LRWD1: variants seen among roughly 807,000 people sequenced by gnomAD.
The protein encoded by LRWD1 is leucine-rich repeat and WD repeat-containing protein 1.
Under a neutral mutation model 75.6 loss-of-function variants are expected in LRWD1, and 76 were observed. The observed-to-expected ratio is 1.01, with a 90% CI of 0.84 to 1.22. The LOEUF (loss-of-function observed/expected upper bound fraction) is 1.22. LRWD1 is among the 50% of genes most tolerant of loss of function. The pLI is 0.00. For missense variants in LRWD1, 917 were observed against 862.0 expected, an observed-to-expected ratio of 1.06 and a Z score of -0.80; for synonymous variants, 487 against 377.0, an observed-to-expected ratio of 1.29 and a Z score of -3.38.
In LRWD1 at chr7:102,472,231, G is replaced by C; in HGVS notation, c.1456G>C (p.Glu486Gln). Residue 486 changes from glutamate to glutamine, a missense_variant, in exon 12 of 15, where the codon GAA (glutamate) becomes CAA (glutamine). By Grantham distance (29) the Glu-to-Gln change is conservative (BLOSUM62 2). Coordinates refer to ENST00000292616, the MANE Select transcript of LRWD1 (RefSeq NM_152892.3). ...GCTGCCCCACAGGGTGTGTGAAGTG[G>C]AATTCGTCTTCTCTGAGGGCTCCGA... The part of the protein sequence containing the change: ...QPQKRRVCEV[E>Q]FVFSEGSEAS... 3 of 1,594,380 alleles carry C rather than the reference G, an allele frequency of 1.9e-6. No homozygotes were observed. Among genetic ancestry groups the C allele is most frequent in the Non-Finnish European group, 2.6e-6 (3 of 1,168,902 alleles).
At chr7:102,467,647 C>T in intron 4 of LRWD1, 72 bp from the exon 5 acceptor site, 7 of 1,516,184 alleles carry the variant, frequency 4.6e-6, no homozygotes, top group Non-Finnish European at 6.3e-6. Flanking sequence ...TAAGCTCCCC[C>T]TGACTATGCA....
At chr7:102,472,888 C>CCTCCCCTCT in intron 14 of LRWD1, 21 bp from the exon 15 acceptor site, 1 of 1,612,626 alleles carries the variant, frequency 6.2e-7, no homozygotes, top group Non-Finnish European at 8.5e-7. Flanking sequence ...CCAGCCCAGC[C>CCTCCCCTCT]CTCCCCTCTC....
In LRWD1 at chr7:102,467,433, A is replaced by G; in HGVS notation, c.527A>G (p.Asp176Gly). The change falls in exon 4 of 15, where the codon GAT becomes GGT. Residue 176 changes from aspartate (D) to glycine (G), a missense_variant. By Grantham distance (94) the Asp-to-Gly change is moderately conservative. Coordinates refer to ENST00000292616, the MANE Select transcript of LRWD1 (RefSeq NM_152892.3). ...QADFVKSAVR[D>G]VRYGPESLSE... ...GACTTTGTGAAGTCGGCTGTCAGGG[A>G]TGTCCGCTACGGGCCCGAGTCCCTC... 19 of 1,613,694 alleles carry G rather than the reference A, an allele frequency of 1.2e-5. No individual in the cohort carries two copies. Among genetic ancestry groups the G allele is most frequent in the South Asian group, 2.2e-5 (2 of 91,072 alleles).
intron 3 of LRWD1, among the ~76,000 whole-genome samples, chr7:102,466,707 C>T (rs2133263304): frequency 6.7e-6 from 1 of 150,086 alleles, no homozygotes; most frequent in South Asian, 2.1e-4. Flanking sequence ...TATGAGTCAC[C>T]ACACCCGGCC....
rs1341324971 is a variant in LRWD1 at position 102,465,960 on chromosome 7, G to A, written c.224G>A (p.Arg75His). ...NLGLSHLRVL[R>H]CANNQLGDVT... ...GGCCTGTCCCACCTGCGTGTCCTCC[G>A]CTGCGCCAACAACCAGCTGGGGGAT... Residue 75 changes from arginine to histidine, a missense_variant, in exon 2 of 15, where the codon CGC becomes CAC. Transcript: ENST00000292616. 5 of 1,613,666 alleles carry A rather than the reference G, an allele frequency of 3.1e-6. No individual in the cohort carries two copies. The highest frequency in any genetic ancestry group is 1.6e-4 in the Middle Eastern group (1 of 6,084).
rs1415293052 is a variant in LRWD1 at position 102,472,970 on chromosome 7, C to G, written c.1865C>G (p.Thr622Arg). ...GTGGTGACCAAGACCATGGTGAACA[C>G]AGTGGTGGCCAATGCCTCCTTCACC... ...GQVVTKTMVN[T>R]VVANASFTYL... is the part of the protein sequence containing the mutation. The change falls in exon 15 of 15, where the codon ACA (threonine) becomes AGA (arginine). Residue 622 changes from threonine to arginine, a missense_variant. Transcript: ENST00000292616. 1 of 1,614,116 alleles carries G rather than the reference C, an allele frequency of 6.2e-7. No homozygotes were observed. The highest frequency in any genetic ancestry group is 8.5e-7 in the Non-Finnish European group (1 of 1,180,006).
rs978815262 is a variant in LRWD1 at position 102,465,005 on chromosome 7, C to T, written c.-76C>T. ...GCTCAGTTACCGCGGACGCCAGTGC[C>T]GGGCTCCAGGAGACGCAGGGCGACG... is the stretch of plus-strand genomic sequence containing the variant. On this transcript the variant is annotated 5_prime_UTR_variant, in exon 1 of 15. Transcript: ENST00000292616. The T allele has an allele frequency of 3.7e-6, 5 of 1,368,898 alleles. No homozygotes were observed. Among genetic ancestry groups the T allele is most frequent in the African/African-American group, 1.5e-5 (1 of 64,910 alleles). 84.8% of individuals were successfully genotyped at this position (1,368,898 alleles called of 1,614,324 possible). A position where few individuals can be genotyped will look rare whatever the true frequency, so the allele number is the denominator to read the frequency against.
chr7:102,471,814 C>T (rs1472258962), intron 11 of LRWD1: 3 of 203,612 alleles, frequency 1.5e-5, no homozygotes, highest in Admixed American at 5.3e-5. Flanking sequence ...CCCATTCCCC[C>T]GTCTTTTGAG....
intron 1 of LRWD1, 185 bp from the exon 2 acceptor site, chr7:102,465,632 G>C (rs1046495818): frequency 1.7e-6 from 1 of 592,186 alleles, no homozygotes; most frequent in South Asian, 2.0e-5. Flanking sequence ...GCAGCTGTGA[G>C]CTATGATCGC....
At chr7:102,472,037 G>C in intron 11 of LRWD1, 181 bp from the exon 12 acceptor site, 1 of 613,240 alleles carries the variant, frequency 1.6e-6, no homozygotes, top group Non-Finnish European at 2.9e-6. Context: ...TCAGGTGCTG[G>C]CTCCCCCTTC....
Position 102,472,186 on chromosome 7 carries a change from A to G in LRWD1, c.1443-32A>G. 5 of 1,550,394 alleles carry G rather than the reference A, an allele frequency of 3.2e-6. No individual in the cohort carries two copies. In the South Asian group the frequency reaches 4.7e-5, roughly 15 times the overall value. On this transcript the variant is annotated intron_variant, in intron 11 of 14. Coordinates refer to ENST00000292616, the MANE Select transcript of LRWD1 (RefSeq NM_152892.3). ...GTGGGCAGCTCTCTATCTGCAAGGA[A>G]TGGCCAACTAGCATCTCGTGCTGCC...
chr7:102,468,815 A>G, intron 8 of LRWD1, 40 bp from the exon 9 acceptor site: 1 of 1,598,804 alleles, frequency 6.3e-7, no homozygotes, highest in Admixed American at 1.7e-5. Flanking sequence ...TCACACCAAT[A>G]GCTCTGCCCC....
At chr7:102,467,171 GGTGTGTGTGTGTGTGTGTGTGTGTGT>G (rs1209487514) in intron 3 of LRWD1, among the ~76,000 whole-genome samples, 142 bp from the exon 4 acceptor site, 5 of 99,148 alleles carry the variant, frequency 5.0e-5, no homozygotes, top group African/African-American at 1.3e-4. Flanking sequence ...GTGTGTGTGG[GGTGTGTGTGTGTGTGTGTGTGTGTGT>G]GTGTGTGTGT....
At chr7:102,465,663 C>A (rs1053951704) in intron 1 of LRWD1, 154 bp from the exon 2 acceptor site, 1 of 629,970 alleles carries the variant, frequency 1.6e-6, no homozygotes, top group Non-Finnish European at 2.8e-6. Flanking sequence ...CTGAGTGACA[C>A]CCCGTCTCTA....
At chr7:102,465,758 C>A in intron 1 of LRWD1, 59 bp from the exon 2 acceptor site, 1 of 1,277,790 alleles carries the variant, frequency 7.8e-7, no homozygotes, top group Non-Finnish European at 1.1e-6. Context: ...GTACCCGGGG[C>A]AGATTGGTGT....
At position 102,469,049 on chromosome 7, in the gene LRWD1, G is replaced by T. The variant is rs201914011; in HGVS notation, c.1215G>T (p.Glu405Asp). 1 of 1,606,470 alleles carries T rather than the reference G, an allele frequency of 6.2e-7. No homozygotes were observed. The highest frequency in any genetic ancestry group is 1.3e-5 in the African/African-American group (1 of 74,656). ...CCCTGTGCTTCAGCCCCGCCCACGA[G>T]ACCCATCTCTTCAGTAAGCCCCTCC... Reference protein sequence around the residue: ...IATLCFSPAHETHLFTASYDK... With the variant: ...IATLCFSPAHDTHLFTASYDK... Residue 405 changes from glutamate (E) to aspartate (D), a missense_variant, in exon 9 of 15, where the codon GAG (glutamate) becomes GAT (aspartate). Physicochemically the swap from Glu to Asp is conservative, Grantham distance 45 (BLOSUM62 2). Coordinates refer to ENST00000292616, the MANE Select transcript of LRWD1 (RefSeq NM_152892.3).
rs192636888 is a variant in LRWD1 at position 102,467,841 on chromosome 7, G to A, written c.678+18G>A. 127 of 1,548,224 alleles carry A rather than the reference G, an allele frequency of 8.2e-5. No individual in the cohort carries two copies. The African/African-American group carries it at 1.6e-3, about 20-fold the overall frequency. ...AGCCCAGGGTGAGTGCAGCTCCCAG[G>A]GCTCTGAGGCCAGCCCAGTCCCTCC... On this transcript the variant is annotated intron_variant, in intron 5 of 14. Coordinates refer to ENST00000292616, the MANE Select transcript of LRWD1 (RefSeq NM_152892.3).
chr7:102,467,342 A>G lies in LRWD1; in HGVS notation c.436A>G (p.Thr146Ala), dbSNP rs1798040716. Residue 146 changes from threonine to alanine, a missense_variant, in exon 4 of 15, where the codon ACA becomes GCA. Physicochemically the swap from Thr to Ala is moderately conservative, Grantham distance 58. Coordinates refer to ENST00000292616, the MANE Select transcript of LRWD1 (RefSeq NM_152892.3). ...GATCTGGTCCCTCTTGCACCAGGTC[A>G]CAGCTCACTGGGAGAAGTTCATGGC... ...NLNRELTSRVTAHWEKFMATL... is the reference protein window; with the variant it reads ...NLNRELTSRVAAHWEKFMATL... 1.9e-6 allele frequency: 3 copies of G among 1,604,958 alleles called. No individual in the cohort carries two copies. The highest frequency in any genetic ancestry group is 2.6e-6 in the Non-Finnish European group (3 of 1,176,060).
rs747209954 is a variant in LRWD1, at chr7:102,466,184, C to G, written c.346C>G (p.Leu116Val). ...TGACAACCTGAAAGTCTCCTTTCTCCTGCCCACGCTCCGTAAGGTCAATGG... is the reference window on the plus strand; with the variant it reads ...TGACAACCTGAAAGTCTCCTTTCTCGTGCCCACGCTCCGTAAGGTCAATGG... ...VNDNLKVSFLLPTLRKVNGKD... is the reference protein window; with the variant it reads ...VNDNLKVSFLVPTLRKVNGKD... Residue 116 changes from leucine to valine, a missense_variant, in exon 3 of 15, where the codon CTG (leucine) becomes GTG (valine). Transcript: ENST00000292616. The G allele has an allele frequency of 6.2e-7, 1 of 1,614,218 alleles. No individual in the cohort carries two copies. The highest frequency in any genetic ancestry group is 8.5e-7 in the Non-Finnish European group (1 of 1,180,036).
Sources: gnomAD v4.1 joint callset for allele counts (sites outside exome capture counted in the v4.1 genomes callset) on GRCh38, gnomAD v4.1.1 for gene constraint, MANE v1.5 for transcripts, NCBI Gene and HGNC (gene_info 2026-07-23, HGNC 2026-07-21) for gene names.